The following MYO15A variants were observed in gnomAD, a reference collection of about 807,000 sequenced individuals.
MYO15A encodes unconventional myosin-XV.
A neutral mutation model predicts 394.6 loss-of-function variants in MYO15A; 308 were observed. The ratio of observed to expected loss-of-function variants is 0.78; its 90% CI spans 0.71 to 0.86. MYO15A has a LOEUF of 0.86. MYO15A is among the 40% of genes least tolerant of loss of function. MYO15A has a pLI of 0.00. For missense variants in MYO15A, 4,606 were observed against 4,799.1 expected (o/e 0.96, Z 1.19); for synonymous variants, 1,957 against 2,003.8 (o/e 0.98, Z 0.62).
chr17:18,153,964 G>A lies in MYO15A; in HGVS notation c.8088+68G>A, dbSNP rs564967470. The A allele has an allele frequency of 1.6e-5, 25 of 1,610,804 alleles. No homozygotes were observed. The highest frequency in any genetic ancestry group is 2.0e-5 in the Non-Finnish European group (24 of 1,178,528). On this transcript the variant is annotated intron_variant, in intron 43 of 65. Coordinates refer to ENST00000647165, the MANE Select transcript of MYO15A (RefSeq NM_016239.4). This position sits in a 1 kb window ranked among gnomAD's most constrained non-coding sequence, Gnocchi z 4.1. ...CAGGGGAGGGGCTGAAGCGAGCAGA[G>A]GAGGGTCTAGGACTTGGGGAGGGAG...
rs1323171107 is a variant in MYO15A at position 18,117,061 on chromosome 17, C to G, written c.-219-1521C>G. On this transcript the variant is annotated intron_variant, in intron 1 of 65. Transcript: ENST00000647165. The surrounding 1 kb of genome is among the most constrained non-coding windows in gnomAD (Gnocchi z 4.1). ...CTGTGCAGGAGGCCCACTTCCTGCACGTATCCCCTAACTCGCTCCAAAAGC... is the reference window on the plus strand; with the variant it reads ...CTGTGCAGGAGGCCCACTTCCTGCAGGTATCCCCTAACTCGCTCCAAAAGC... Among the ~76,000 whole-genome samples, 1 of 152,170 alleles carries G rather than the reference C, an allele frequency of 6.6e-6. No homozygotes were observed. Among genetic ancestry groups the G allele is most frequent in the Non-Finnish European group, 1.5e-5 (1 of 68,022 alleles).
At chr17:18,135,108 C>A (rs528118797) in intron 12 of MYO15A, among the ~76,000 whole-genome samples, 2 of 152,286 alleles carry the variant, frequency 1.3e-5, no homozygotes, top group Non-Finnish European at 2.9e-5. Flanking sequence ...TCATTCGATC[C>A]TCCCACCTCA....
At chr17:18,131,188 C>G (rs1318378419) in intron 8 of MYO15A, 51 bp from the exon 9 acceptor site, 19 of 1,550,714 alleles carry the variant, frequency 1.2e-5, no homozygotes, top group Non-Finnish European at 1.7e-5. Context: ...CACCCAGGCC[C>G]CCAGAACAGT....
chr17:18,157,875 C>T lies in MYO15A; in HGVS notation c.8942C>T (p.Ala2981Val). 6.6e-7 allele frequency: 1 copy of T among 1,516,270 alleles called. No individual in the cohort carries two copies. Among genetic ancestry groups the T allele is most frequent in the Non-Finnish European group, 8.8e-7 (1 of 1,137,048 alleles). The allele number at this position is 1,516,270 out of a possible 1,614,324, so 93.9% of individuals were successfully genotyped here. The stretch of plus-strand genomic sequence containing the variant: ...GCTGCTGTGGCCTCTGCAGCCGCTG[C>T]ACAGGAGGTGGGCCGCAGGAGAGAG... ...VAAAVASAAA[A>V]QEVGRRREGP... Residue 2981 changes from alanine to valine, a missense_variant, in exon 51 of 66, where the codon GCA becomes GTA. Ala to Val is a moderately conservative substitution (Grantham distance 64). Around this residue, in one of 2 missense-constraint regions of MYO15A, gnomAD observed 2,776 missense variants for 3,109.3 expected, o/e 0.89. Coordinates refer to ENST00000647165, the MANE Select transcript of MYO15A (RefSeq NM_016239.4).
chr17:18,115,647 C>A (rs1042911490), intron 1 of MYO15A, among the ~76,000 whole-genome samples: 1 of 152,150 alleles, frequency 6.6e-6, no homozygotes, highest in Admixed American at 6.5e-5. Context: ...CGAATTCCAT[C>A]CCTTCTCTGC....
chr17:18,167,408 C>T (rs75787239), intron 61 of MYO15A, among the ~76,000 whole-genome samples, 182 bp from the exon 62 acceptor site: 10 of 152,390 alleles, frequency 6.6e-5, no homozygotes, highest in Non-Finnish European at 1.5e-4. Flanking sequence ...GGCCACAGCC[C>T]TCCCACGTCA....
rs1362969653 is a variant in MYO15A at position 18,120,105 on chromosome 17, G to A, written c.1305G>A (p.Leu435=). ...ACGCCATGGATGACATCGCCGAGCT[G>A]GAGGAACCAGAGGACGCGGGCGTAG... is the stretch of plus-strand genomic sequence containing the variant. The part of the protein sequence containing the change: ...YAHAMDDIAE[L]EEPEDAGVER... The change falls in exon 2 of 66, where the codon CTG becomes CTA. Residue 435 remains leucine, a synonymous_variant. Transcript: ENST00000647165. 1.9e-6 allele frequency: 3 copies of A among 1,612,456 alleles called. No homozygotes were observed. The Admixed American group carries it at 5.0e-5, about 27-fold the overall frequency.
At position 18,163,448 on chromosome 17, in the gene MYO15A, C is replaced by T. The variant is rs150689274; in HGVS notation, c.9690+127C>T. On this transcript the variant is annotated intron_variant, in intron 59 of 65. Transcript: ENST00000647165. ...GCCCTCCCAGGCTCTCCCACAGCCC[C>T]ACAAGGCAGGACTTATTTCTCAGAA... 131 of 1,037,768 alleles carry T rather than the reference C, an allele frequency of 1.3e-4. No homozygotes were observed. The African/African-American group carries it at 1.7e-3, about 14-fold the overall frequency. The allele number at this position is 1,037,768 out of a possible 1,614,324, so 64.3% of individuals were successfully genotyped here.
At position 18,157,927 on chromosome 17, in the gene MYO15A, C is replaced by T. The variant is rs1397235053; in HGVS notation, c.8967+27C>T. On this transcript the variant is annotated intron_variant, in intron 51 of 65. Transcript: ENST00000647165. Reference sequence around the variant, plus strand: ...TGAGACCAGTGTGGGTGGGGTGGGGCGGGGTAGACCAGGGGGAAGGGGCCG... The same window carrying T: ...TGAGACCAGTGTGGGTGGGGTGGGGTGGGGTAGACCAGGGGGAAGGGGCCG... 55 of 99,544 alleles carry T rather than the reference C, an allele frequency of 5.5e-4. 1 individual carries two copies. Among genetic ancestry groups the T allele is most frequent in the South Asian group, 7.4e-4 (9 of 12,230 alleles). 6.2% of individuals were successfully genotyped at this position (99,544 alleles called of 1,614,324 possible).
At position 18,140,679 on chromosome 17, in the gene MYO15A, C is replaced by T. The variant is rs1270691344; in HGVS notation, c.5360+14C>T. ...AAAGATGGAGAGGTGGGGTGGGGGGCAGGTGGGCGGAGCACCCAGCCTCAT... is the reference window on the plus strand; with the variant it reads ...AAAGATGGAGAGGTGGGGTGGGGGGTAGGTGGGCGGAGCACCCAGCCTCAT... On this transcript the variant is annotated intron_variant, in intron 20 of 65. Transcript: ENST00000647165. The T allele has an allele frequency of 6.2e-7, 1 of 1,613,904 alleles. No individual in the cohort carries two copies.
At position 18,141,270 on chromosome 17, in the gene MYO15A, G is replaced by T; in HGVS notation, c.5531+127G>T. 2.9e-6 allele frequency: 4 copies of T among 1,380,034 alleles called. No homozygotes were observed. The South Asian group carries it at 4.8e-5, about 17-fold the overall frequency. 85.5% of individuals were successfully genotyped at this position (1,380,034 alleles called of 1,614,324 possible). ...GTTGCTCAGGTTGTACACTTCACAA[G>T]GCTACCACATGCTAACTGTTAATGT... is the stretch of plus-strand genomic sequence containing the variant. On this transcript the variant is annotated intron_variant, in intron 22 of 65. Transcript: ENST00000647165.
chr17:18,132,340 C>G lies in MYO15A; in HGVS notation c.4207-113C>G. ...CCATCACAGAGGCGCGTGTTCTCATCTGCAGCCCACTGTGTGCATGTGCAC... is the reference window on the plus strand; with the variant it reads ...CCATCACAGAGGCGCGTGTTCTCATGTGCAGCCCACTGTGTGCATGTGCAC... On this transcript the variant is annotated intron_variant, in intron 10 of 65. Transcript: ENST00000647165. The surrounding 1 kb of genome is among the most constrained non-coding windows in gnomAD (Gnocchi z 4.6). The G allele has an allele frequency of 1.2e-6, 1 of 828,554 alleles. No individual in the cohort carries two copies. The highest frequency in any genetic ancestry group is 1.4e-5 in the South Asian group (1 of 71,840). The allele number at this position is 828,554 out of a possible 1,614,324, so 51.3% of individuals were successfully genotyped here.
chr17:18,128,564 G>A (rs144874460), intron 7 of MYO15A, among the ~76,000 whole-genome samples: 4 of 152,314 alleles, frequency 2.6e-5, no homozygotes, highest in Non-Finnish European at 4.4e-5. Context: ...TGACCAAACA[G>A]ATCATCCCTT....
rs559474139 is a variant in MYO15A, at chr17:18,138,232, T to C, written c.4993T>C (p.Cys1665Arg). 7 of 1,612,960 alleles carry C rather than the reference T, an allele frequency of 4.3e-6. No homozygotes were observed. The highest frequency in any genetic ancestry group is 5.9e-6 in the Non-Finnish European group (7 of 1,180,032). ...YGILRILDDQ[C>R]CFPQATDHTF... is the part of the protein sequence containing the mutation. Reference sequence around the variant, plus strand: ...CATCCTGCGGATCCTTGACGACCAGTGTTGCTTTCCCCAGGTGAGCCGCAG... The same window carrying C: ...CATCCTGCGGATCCTTGACGACCAGCGTTGCTTTCCCCAGGTGAGCCGCAG... Residue 1665 changes from cysteine (C) to arginine (R), a missense_variant, in exon 17 of 66, where the codon TGT (cysteine) becomes CGT (arginine). Around this residue, in one of 2 missense-constraint regions of MYO15A, gnomAD observed 2,776 missense variants for 3,109.3 expected, o/e 0.89. Coordinates refer to ENST00000647165, the MANE Select transcript of MYO15A (RefSeq NM_016239.4).
intron 28 of MYO15A, among the ~76,000 whole-genome samples, 178 bp from the exon 29 acceptor site, chr17:18,144,319 A>G (rs1390313482): frequency 1.3e-5 from 2 of 150,884 alleles, no homozygotes; most frequent in Non-Finnish European, 3.0e-5. Context: ...TGTCCCTACC[A>G]CCGACTTGCT....
At position 18,114,241 on chromosome 17, in the gene MYO15A, C is replaced by CTT. The variant is rs10583154; in HGVS notation, c.-219-4316_-219-4315dup. 4.7e-4 allele frequency among the ~76,000 whole-genome samples: 26 copies of CTT among 55,562 alleles called. 3 individuals are homozygous for CTT. Among genetic ancestry groups the CTT allele is most frequent in the African/African-American group, 1.2e-3 (17 of 14,334 alleles). 36.5% of individuals were successfully genotyped at this position (55,562 alleles called of 152,430 possible). A position where few individuals can be genotyped will look rare whatever the true frequency, so the allele number is the denominator to read the frequency against. ...CACCTTGTGACCACCACAGTCCTGT[C>CTT]TTTTTTTTTTTTTTTTTTTTTTTTT... On this transcript the variant is annotated intron_variant, in intron 1 of 65. Coordinates refer to ENST00000647165, the MANE Select transcript of MYO15A (RefSeq NM_016239.4).
chr17:18,115,031 A>G (rs2045766906), intron 1 of MYO15A, among the ~76,000 whole-genome samples: 1 of 151,854 alleles, frequency 6.6e-6, no homozygotes, highest in Admixed American at 6.6e-5. Flanking sequence ...CTACTTCCTC[A>G]ATTTGCTCTG....
rs765670344 is a variant in MYO15A, at chr17:18,167,638, C to T, written c.9997C>T (p.Arg3333Trp). ...ACTCTTCAGCAGTGTGCCGGCCAGCCGGCCCAGCGAGCAGCTGCTGCAGCA... is the reference window on the plus strand; with the variant it reads ...ACTCTTCAGCAGTGTGCCGGCCAGCTGGCCCAGCGAGCAGCTGCTGCAGCA... The part of the protein sequence containing the change: ...KGLFSSVPAS[R>W]PSEQLLQQVS... Residue 3333 changes from arginine to tryptophan, a missense_variant, in exon 62 of 66, where the codon CGG becomes TGG. This residue lies in a region of MYO15A where 2,776 missense variants were observed against 3,109.3 expected (regional missense o/e 0.89). Transcript: ENST00000647165. 74 of 1,604,072 alleles carry T rather than the reference C, an allele frequency of 4.6e-5. No homozygotes were observed. In the Middle Eastern group the frequency reaches 1.5e-3, roughly 32 times the overall value.
In MYO15A at chr17:18,171,691, C is replaced by A. The variant is rs546575046; in HGVS notation, c.10136C>A (p.Ser3379Ter). Residue 3379 changes from serine to a stop codon, truncating the protein, a stop_gained, in exon 63 of 66, where the codon TCG (serine) becomes TAG (stop). Transcript: ENST00000647165. LOFTEE classifies it high-confidence loss of function. ...CAGCTCTACCGTACAACGGCAGGCT[C>A]GACCTGGCTCAACCTGGTCAGCCAG... is the stretch of plus-strand genomic sequence containing the variant. Reference protein sequence around the residue: ...PAQLYRTTAGSTWLNLVSQHR... With the variant: ...PAQLYRTTAG 2 of 1,613,250 alleles carry A rather than the reference C, an allele frequency of 1.2e-6. No individual in the cohort carries two copies. The highest frequency in any genetic ancestry group is 1.7e-6 in the Non-Finnish European group (2 of 1,180,014).
Sources: gnomAD v4.1 joint callset for allele counts (sites outside exome capture counted in the v4.1 genomes callset) on GRCh38, gnomAD v4.1.1 for gene constraint, gnomAD v4.1.1 regional missense constraint, Gnocchi (gnomAD v3.1) non-coding constraint, MANE v1.5 for transcripts, NCBI Gene and HGNC (gene_info 2026-07-23, HGNC 2026-07-21) for gene names.